Variants in ELP3 observed in about 807,000 individuals in gnomAD.
The protein encoded by ELP3 is elongator acetyltransferase complex subunit 3.
In ELP3, 56 loss-of-function variants were observed where a neutral mutation model predicts 74.9. The ratio of observed to expected loss-of-function variants is 0.75; its 90% confidence interval spans 0.60 to 0.93. The LOEUF is 0.93. ELP3 is among the 40% of genes least tolerant of loss of function. ELP3 has a pLI of 0.00. For synonymous variants in ELP3, 222 were observed against 239.8 expected (o/e 0.93, Z 0.68); for missense variants, 573 against 686.5 (o/e 0.83, Z 1.85).
chr8:28,172,959 T>C (rs989848383), intron 14 of ELP3, among the ~76,000 whole-genome samples: 2 of 152,092 alleles, frequency 1.3e-5, no homozygotes, highest in Admixed American at 1.3e-4. Context: ...TGTTGAACTA[T>C]CCTTGCATTC....
chr8:28,092,751 G>A (rs1811088673), upstream of ELP3: 1 of 256,596 alleles, frequency 3.9e-6, no homozygotes, highest in South Asian at 3.9e-5. Flanking sequence ...CACAACATGG[G>A]AGGGTTCCTC....
intron 14 of ELP3, among the ~76,000 whole-genome samples, chr8:28,186,530 G>A (rs758303082): frequency 2.6e-5 from 4 of 152,132 alleles, no homozygotes; most frequent in Non-Finnish European, 4.4e-5. Context: ...AAAAGAGACC[G>A]TCCCTAAGTC....
intron 7 of ELP3, among the ~76,000 whole-genome samples, chr8:28,116,697 C>T (rs570427544): frequency 6.0e-4 from 92 of 152,206 alleles, no homozygotes; most frequent in Non-Finnish European, 1.2e-3. Context: ...CAAGATTGCA[C>T]TACTGCACTC....
intron 10 of ELP3, among the ~76,000 whole-genome samples, chr8:28,141,218 A>G (rs1431407656): frequency 1.3e-5 from 2 of 152,246 alleles, no homozygotes; most frequent in Admixed American, 6.5e-5. Flanking sequence ...GAACATTATC[A>G]GTAATAGGAC....
intron 1 of ELP3, chr8:28,093,488 T>G (rs1383845537): frequency 1.7e-6 from 1 of 575,196 alleles, no homozygotes; most frequent in Non-Finnish European, 3.1e-6. Context: ...GGGAAACCAT[T>G]ATTCCAATAT....
At chr8:28,132,065 T>A (rs1812803482) in intron 8 of ELP3, among the ~76,000 whole-genome samples, 1 of 152,200 alleles carries the variant, frequency 6.6e-6, no homozygotes, top group South Asian at 2.1e-4. Flanking sequence ...AGTTATTTAC[T>A]TCCAGGCCTC....
intron 12 of ELP3, among the ~76,000 whole-genome samples, chr8:28,159,661 A>G (rs1039684126): frequency 1.3e-5 from 2 of 152,178 alleles, no homozygotes; most frequent in African/African-American, 4.8e-5. Flanking sequence ...GCTACCCTCC[A>G]TGACTGAACT....
upstream of ELP3, chr8:28,090,551 G>A (rs1415120754): frequency 2.4e-5 from 4 of 165,394 alleles, no homozygotes; most frequent in Non-Finnish European, 5.1e-5. Context: ...CCTTCCCATT[G>A]CAATTTGCTT....
At chr8:28,152,635 A>C (rs1414762853) in intron 10 of ELP3, among the ~76,000 whole-genome samples, 3 of 152,182 alleles carry the variant, frequency 2.0e-5, no homozygotes, top group Middle Eastern at 3.4e-3. Flanking sequence ...GCAAAACCCT[A>C]TCTCTACTAA....
chr8:28,129,085 A>G (rs1239810364), intron 7 of ELP3, among the ~76,000 whole-genome samples: 2 of 152,136 alleles, frequency 1.3e-5, no homozygotes, highest in African/African-American at 4.8e-5. Context: ...GAAATAAATA[A>G]TGTAGATGGT....
intron 10 of ELP3, among the ~76,000 whole-genome samples, chr8:28,146,960 T>TA (rs1175156006): frequency 3.9e-5 from 6 of 152,224 alleles, no homozygotes; most frequent in Admixed American, 6.5e-5. Context: ...TGCTCTCTGG[T>TA]AATCAGGGCC....
chr8:28,100,724 A>G (rs1338376190), intron 3 of ELP3, among the ~76,000 whole-genome samples: 1 of 152,256 alleles, frequency 6.6e-6, no homozygotes, highest in East Asian at 1.9e-4. Context: ...TGGATACAAC[A>G]TGCAGGGTAG....
chr8:28,173,401 A>G (rs529606942), intron 14 of ELP3, among the ~76,000 whole-genome samples: 15 of 152,058 alleles, frequency 9.9e-5, no homozygotes, highest in Middle Eastern at 3.4e-3. Flanking sequence ...AGTTGTTCAT[A>G]GTATTTTCTT....
chr8:28,105,780 A>C (rs1316816677), intron 3 of ELP3, among the ~76,000 whole-genome samples: 3 of 152,200 alleles, frequency 2.0e-5, no homozygotes, highest in Non-Finnish European at 4.4e-5. Context: ...GATAGTAAGA[A>C]GCCTGGCTTG....
intron 10 of ELP3, among the ~76,000 whole-genome samples, chr8:28,148,327 T>G (rs1384212193): frequency 6.6e-6 from 1 of 152,162 alleles, no homozygotes; most frequent in African/African-American, 2.4e-5. Context: ...AAAATATTAC[T>G]CAGATGTAAA....
Position 28,137,713 on chromosome 8 carries a change from C to T in ELP3, c.922C>T (p.Pro308Ser), listed in dbSNP as rs574385140. 3 of 1,611,816 alleles carry T rather than the reference C, an allele frequency of 1.9e-6. No individual in the cohort carries two copies. In the East Asian group the frequency reaches 6.7e-5, roughly 36 times the overall value. The part of the protein sequence containing the change: ...IEQFTEFFEN[P>S]AFRPDGLKLY... ...CTATTCACAGGAGTTTTTTGAGAAC[C>T]CTGCTTTTCGTCCCGATGGGCTGAA... Residue 308 changes from proline to serine, a missense_variant, in exon 10 of 15, where the codon CCT becomes TCT. Pro to Ser is a moderately conservative substitution (Grantham distance 74, BLOSUM62 -1). Transcript: ENST00000256398.
chr8:28,142,339 T>C (rs1443830256), intron 10 of ELP3, among the ~76,000 whole-genome samples: 1 of 152,194 alleles, frequency 6.6e-6, no homozygotes, highest in African/African-American at 2.4e-5. Context: ...CTATGGAGAA[T>C]TGGCCCATAG....
intron 7 of ELP3, among the ~76,000 whole-genome samples, chr8:28,121,706 C>G (rs1812381300): frequency 6.6e-6 from 1 of 152,198 alleles, no homozygotes; most frequent in Admixed American, 6.5e-5. Flanking sequence ...TAAGACCTTA[C>G]TAAATTCACT....
Position 28,189,663 on chromosome 8 carries a change from A to C in ELP3, c.1582A>C (p.Asn528His). The change falls in exon 15 of 15, where the codon AAT becomes CAT. Residue 528 changes from asparagine (N) to histidine (H), a missense_variant. Asn to His is a moderately conservative substitution (Grantham distance 68, BLOSUM62 1). Coordinates refer to ENST00000256398, the MANE Select transcript of ELP3 (RefSeq NM_018091.6). Reference protein sequence around the residue: ...IAVISGVGTRNYYRKIGYRLQ... With the variant: ...IAVISGVGTRHYYRKIGYRLQ... Reference sequence around the variant, plus strand: ...TTTTTCTGCAGGGGTCGGCACCAGGAATTATTATAGAAAGATCGGCTACAG... The same window carrying C: ...TTTTTCTGCAGGGGTCGGCACCAGGCATTATTATAGAAAGATCGGCTACAG... 1 of 1,614,054 alleles carries C rather than the reference A, an allele frequency of 6.2e-7. No individual in the cohort carries two copies. Among genetic ancestry groups the C allele is most frequent in the Non-Finnish European group, 8.5e-7 (1 of 1,179,972 alleles).
Sources: allele counts gnomAD v4.1 joint callset (sites outside exome capture counted in the v4.1 genomes callset), GRCh38; gene constraint gnomAD v4.1.1; transcripts MANE v1.5; gene names NCBI Gene and HGNC (gene_info 2026-07-23, HGNC 2026-07-21).